ASAP1: variants seen among roughly 807,000 people sequenced by gnomAD.
ASAP1 encodes ArfGAP with SH3 domain, ankyrin repeat and PH domain 1.
A neutral mutation model predicts 145.2 loss-of-function variants in ASAP1; 43 were observed. The ratio of observed to expected loss-of-function variants is 0.30; its 90% CI spans 0.23 to 0.38. ASAP1 has a LOEUF of 0.38. Ranked by LOEUF, ASAP1 falls within the 10% of genes least tolerant of loss-of-function variation. The pLI is 1.00. For missense variants in ASAP1, 1,018 were observed against 1,355.3 expected (o/e 0.75, Z 3.91); for synonymous variants, 546 against 515.5 (o/e 1.06, Z -0.80).
intron 2 of ASAP1, among the ~76,000 whole-genome samples, chr8:130,387,334 G>T (rs1828065117): frequency 6.6e-6 from 1 of 152,142 alleles, no homozygotes; most frequent in Admixed American, 6.5e-5. Flanking sequence ...TCAGGAGTTT[G>T]AGACCAGGCT....
At chr8:130,305,173 CCTCT>C (rs1822916603) in intron 3 of ASAP1, among the ~76,000 whole-genome samples, 1 of 152,150 alleles carries the variant, frequency 6.6e-6, no homozygotes, top group South Asian at 2.1e-4. Flanking sequence ...TCTTGTATCT[CCTCT>C]CTTTTTGTCT....
intron 24 of ASAP1, among the ~76,000 whole-genome samples, chr8:130,095,406 T>G (rs1440162647): frequency 6.6e-6 from 1 of 151,140 alleles, no homozygotes; most frequent in Non-Finnish European, 1.5e-5. Flanking sequence ...GTTCAAGTGA[T>G]TCTCCTGCCT....
chr8:130,399,769 C>A (rs1222483278), intron 2 of ASAP1, among the ~76,000 whole-genome samples: 1 of 151,282 alleles, frequency 6.6e-6, no homozygotes, highest in Non-Finnish European at 1.5e-5. Context: ...AATATTACCC[C>A]TTTTTCATGG....
chr8:130,085,210 A>C (rs2097489973), intron 25 of ASAP1, among the ~76,000 whole-genome samples: 1 of 152,202 alleles, frequency 6.6e-6, no homozygotes, highest in Non-Finnish European at 1.5e-5. Flanking sequence ...GGCTACCATG[A>C]ACCTAACAAT....
intron 10 of ASAP1, among the ~76,000 whole-genome samples, chr8:130,168,691 C>G (rs1442561628): frequency 1.3e-5 from 2 of 152,188 alleles, no homozygotes; most frequent in Non-Finnish European, 2.9e-5. Flanking sequence ...TGCATTCTTT[C>G]TGCAACTGCT....
chr8:130,118,305 C>CAT, intron 19 of ASAP1, 59 bp from the exon 20 acceptor site: 1 of 1,530,116 alleles, frequency 6.5e-7, no homozygotes, highest in Non-Finnish European at 9.0e-7. Context: ...AGGGAGGCTT[C>CAT]ATATATATCA....
Position 130,262,440 on chromosome 8 carries a change from G to A in ASAP1, c.187-25446C>T, listed in dbSNP as rs1481267517. On this transcript the variant is annotated intron_variant, in intron 3 of 29. Transcript: ENST00000518721. ...AAAGAGAGAGAGAGAGAGAGAGAGA[G>A]AGAGAGAGAGAGAGAGAACCTGTGG... Among the ~76,000 whole-genome samples, 563 of 139,136 alleles carry A rather than the reference G, an allele frequency of 4.0e-3. 8 individuals are homozygous for A. Among genetic ancestry groups the A allele is most frequent in the East Asian group, 8.3e-3 (36 of 4,350 alleles). The allele number at this position is 139,136 out of a possible 152,430, so 91.3% of individuals were successfully genotyped here. A position where few individuals can be genotyped will look rare whatever the true frequency, so the allele number is the denominator to read the frequency against.
intron 3 of ASAP1, among the ~76,000 whole-genome samples, chr8:130,287,257 G>A (rs1337548194): frequency 6.6e-6 from 1 of 152,214 alleles, no homozygotes; most frequent in Non-Finnish European, 1.5e-5. Context: ...TGAAAGTATA[G>A]AAGGATGACA....
intron 3 of ASAP1, among the ~76,000 whole-genome samples, chr8:130,245,733 C>T (rs1465180293): frequency 6.6e-6 from 1 of 152,116 alleles, no homozygotes; most frequent in Non-Finnish European, 1.5e-5. Flanking sequence ...AATAAATCTG[C>T]CTCTATATTA....
chr8:130,244,609 T>G (rs1181240182), intron 3 of ASAP1, among the ~76,000 whole-genome samples: 1 of 152,168 alleles, frequency 6.6e-6, no homozygotes, highest in East Asian at 1.9e-4. Flanking sequence ...AAGCAATGGC[T>G]AGGGGTTAGG....
chr8:130,141,514 T>C (rs1221013516), intron 13 of ASAP1, among the ~76,000 whole-genome samples: 1 of 152,114 alleles, frequency 6.6e-6, no homozygotes, highest in Admixed American at 6.5e-5. Flanking sequence ...TCTTTCTGGC[T>C]CTTAACACTC....
chr8:130,415,161 T>A (rs1829423547), intron 1 of ASAP1, among the ~76,000 whole-genome samples: 1 of 152,220 alleles, frequency 6.6e-6, no homozygotes, highest in Non-Finnish European at 1.5e-5. Flanking sequence ...AAGGGAAGCA[T>A]CAGGAAGACT....
intron 5 of ASAP1, among the ~76,000 whole-genome samples, chr8:130,196,625 A>C (rs1224941199): frequency 1.3e-5 from 2 of 152,254 alleles, no homozygotes; most frequent in East Asian, 3.8e-4. Flanking sequence ...GTATTAATTA[A>C]TGAGGACATA....
At chr8:130,158,167 T>C (rs2097661632) in intron 12 of ASAP1, among the ~76,000 whole-genome samples, 1 of 150,878 alleles carries the variant, frequency 6.6e-6, no homozygotes, top group African/African-American at 2.4e-5. Context: ...AGCCAAGGAG[T>C]ACGTATCCAC....
At chr8:130,107,180 CTTCTTTT>C (rs1036341492) in intron 24 of ASAP1, among the ~76,000 whole-genome samples, 7 of 113,872 alleles carry the variant, frequency 6.1e-5, no homozygotes, top group South Asian at 3.3e-4. Flanking sequence ...CTCTCTTCTT[CTTCTTTT>C]TTTTTTTTTT....
intron 27 of ASAP1, among the ~76,000 whole-genome samples, chr8:130,075,801 C>T (rs961577543): frequency 7.9e-5 from 12 of 152,222 alleles, no homozygotes; most frequent in African/African-American, 2.4e-4. Context: ...TTTATAGACA[C>T]TGCTTTCTTG....
chr8:130,310,467 T>C (rs1823272406), intron 3 of ASAP1, among the ~76,000 whole-genome samples: 1 of 152,162 alleles, frequency 6.6e-6, no homozygotes. Context: ...CTAAACTTCA[T>C]GGTGATAGAT....
At chr8:130,401,563 C>A (rs1034364757) in intron 2 of ASAP1, among the ~76,000 whole-genome samples, 4 of 152,138 alleles carry the variant, frequency 2.6e-5, no homozygotes, top group Non-Finnish European at 5.9e-5. Flanking sequence ...TTTTAAAGAA[C>A]CTAAAACACA....
intron 3 of ASAP1, among the ~76,000 whole-genome samples, chr8:130,332,094 C>T (rs1450678924): frequency 6.6e-6 from 1 of 152,166 alleles, no homozygotes; most frequent in Admixed American, 6.5e-5. Context: ...GGCCTGTTAA[C>T]TTGGTTTTGG....
Sources: allele counts gnomAD v4.1 joint callset (sites outside exome capture counted in the v4.1 genomes callset), GRCh38; gene constraint gnomAD v4.1.1; transcripts MANE v1.5; gene names NCBI Gene and HGNC (gene_info 2026-07-23, HGNC 2026-07-21).